Variants in AXDND1 observed in about 807,000 individuals in gnomAD.
AXDND1 encodes the protein axonemal dynein light chain domain-containing protein 1.
A neutral mutation model predicts 137.5 loss-of-function variants in AXDND1; 110 were observed. That is an observed-to-expected ratio of 0.80 (90% CI 0.69 to 0.94). The LOEUF (loss-of-function observed/expected upper bound fraction) is 0.94. AXDND1 is among the 40% of genes least tolerant of loss of function. The pLI is 0.00. For missense variants in AXDND1, 1,191 were observed against 1,169.8 expected, an observed-to-expected ratio of 1.02 and a Z score of -0.26; for synonymous variants, 414 against 399.7, an observed-to-expected ratio of 1.04 and a Z score of -0.43.
intron 20 of AXDND1, among the ~76,000 whole-genome samples, chr1:179,502,963 C>T (rs1050954361): frequency 4.6e-5 from 7 of 151,824 alleles, no homozygotes; most frequent in Non-Finnish European, 1.0e-4. Flanking sequence ...GGCGTGGTGG[C>T]GCATGCCTGT....
At chr1:179,501,251 T>C (rs184765777) in intron 20 of AXDND1, among the ~76,000 whole-genome samples, 1 of 152,202 alleles carries the variant, frequency 6.6e-6, no homozygotes, top group Admixed American at 6.5e-5. Flanking sequence ...AGAGGACTCA[T>C]CCTCCCATAT....
chr1:179,408,234 T>C (rs1653281173), intron 11 of AXDND1, among the ~76,000 whole-genome samples: 1 of 152,184 alleles, frequency 6.6e-6, no homozygotes, highest in African/African-American at 2.4e-5. Context: ...TTAATATCAT[T>C]ATTTTGAAAT....
At chr1:179,469,077 C>G (rs1663597850) in intron 17 of AXDND1, among the ~76,000 whole-genome samples, 1 of 151,994 alleles carries the variant, frequency 6.6e-6, no homozygotes, top group Non-Finnish European at 1.5e-5. Flanking sequence ...CTACAGGCGC[C>G]TGCCACCATG....
chr1:179,490,440 A>G (rs897389170), intron 18 of AXDND1, among the ~76,000 whole-genome samples: 5 of 152,158 alleles, frequency 3.3e-5, no homozygotes, highest in African/African-American at 1.2e-4. Flanking sequence ...AGGTTCTCAA[A>G]CTTTCTCTAT....
intron 16 of AXDND1, chr1:179,449,856 A>C (rs1414325131): frequency 6.6e-6 from 1 of 152,064 alleles, no homozygotes. Context: ...TTGATCTTAC[A>C]TACTGCCATG....
intron 16 of AXDND1, among the ~76,000 whole-genome samples, chr1:179,463,691 C>G (rs142988880): frequency 0.063 from 9,551 of 152,100 alleles, 355 homozygotes; most frequent in African/African-American, 0.07. Context: ...TTTCTGTCTC[C>G]TTGATCTGTC....
At chr1:179,367,798 A>G (rs1667608556) in intron 2 of AXDND1, among the ~76,000 whole-genome samples, 2 of 152,224 alleles carry the variant, frequency 1.3e-5, no homozygotes, top group African/African-American at 4.8e-5. Flanking sequence ...ATTTAGTACA[A>G]TGTGCCAATT....
chr1:179,391,106 T>G (rs986416091), intron 9 of AXDND1, among the ~76,000 whole-genome samples: 7 of 84,370 alleles, frequency 8.3e-5, no homozygotes, highest in African/African-American at 2.2e-4. Flanking sequence ...GAGGCCAGAC[T>G]TCTTCTTTTT....
chr1:179,421,367 C>CTTTTTTTTTTTTTTTTTTTT (rs199703017), intron 12 of AXDND1, among the ~76,000 whole-genome samples: 1 of 107,232 alleles, frequency 9.3e-6, no homozygotes, highest in Non-Finnish European at 1.8e-5. Context: ...TTTTCTTTTC[C>CTTTTTTTTTTTTTTTTTTTT]TTTTTTTTTT....
chr1:179,534,969 A>G lies in AXDND1; in HGVS notation c.3031+7A>G, dbSNP rs1489647771. ...TCAAAATCTCCAAAGAAAGGTAAGG[A>G]TTGCTTCGTATTTTGCTTTATTCAG... is the stretch of plus-strand genomic sequence containing the variant. On this transcript the variant is annotated splice_region_variant and intron_variant, in intron 25 of 25. Transcript: ENST00000367618. 6.2e-7 allele frequency: 1 copy of G among 1,606,324 alleles called. No homozygotes were observed. The highest frequency in any genetic ancestry group is 1.7e-5 in the Admixed American group (1 of 58,216).
At chr1:179,472,692 C>T (rs1049723001) in intron 17 of AXDND1, among the ~76,000 whole-genome samples, 6 of 152,014 alleles carry the variant, frequency 3.9e-5, no homozygotes, top group African/African-American at 2.4e-5. Flanking sequence ...TAGGTGCACA[C>T]GTTTATAATT....
chr1:179,436,652 G>T (rs556634405), intron 15 of AXDND1, among the ~76,000 whole-genome samples: 1 of 152,208 alleles, frequency 6.6e-6, no homozygotes, highest in Admixed American at 6.5e-5. Context: ...AGCACACATG[G>T]ACACAGGAAG....
chr1:179,465,570 T>C (rs4317772), intron 16 of AXDND1, among the ~76,000 whole-genome samples: 105,287 of 152,200 alleles, frequency 0.69, 37,270 homozygotes, highest in Non-Finnish European at 0.77. Flanking sequence ...TCGGGGGTCA[T>C]GGACCCACTT....
intron 25 of AXDND1, among the ~76,000 whole-genome samples, chr1:179,553,168 T>C (rs1673568684): frequency 6.6e-6 from 1 of 152,210 alleles, no homozygotes; most frequent in Non-Finnish European, 1.5e-5. Flanking sequence ...TGATTATAAC[T>C]ATAAAAATGC....
chr1:179,372,136 A>G (rs1404576134), intron 4 of AXDND1, among the ~76,000 whole-genome samples: 1 of 152,258 alleles, frequency 6.6e-6, no homozygotes, highest in Non-Finnish European at 1.5e-5. Context: ...AATAGTATGC[A>G]TAACGAGATA....
chr1:179,464,086 G>A (rs548281808), intron 16 of AXDND1, among the ~76,000 whole-genome samples: 88 of 152,244 alleles, frequency 5.8e-4, no homozygotes, highest in African/African-American at 2.1e-3. Flanking sequence ...GCCAGTCTGT[G>A]TCTTTTAATT....
chr1:179,376,436 A>G (rs984028729), intron 4 of AXDND1, among the ~76,000 whole-genome samples: 1 of 152,190 alleles, frequency 6.6e-6, no homozygotes, highest in African/African-American at 2.4e-5. Context: ...AAATTCATGT[A>G]TAAGCAGACC....
chr1:179,552,512 A>G (rs1673435795), intron 25 of AXDND1: 1 of 993,760 alleles, frequency 1.0e-6, no homozygotes, highest in Non-Finnish European at 1.6e-6. Context: ...CCCAGTGCCT[A>G]ATGAATGGAC....
At chr1:179,423,774 T>G (rs1426415945) in intron 12 of AXDND1, among the ~76,000 whole-genome samples, 1 of 152,244 alleles carries the variant, frequency 6.6e-6, no homozygotes, top group Non-Finnish European at 1.5e-5. Context: ...GTTATTTGCA[T>G]TTACATATTT....
Sources: allele counts gnomAD v4.1 joint callset (sites outside exome capture counted in the v4.1 genomes callset), GRCh38; gene constraint gnomAD v4.1.1; transcripts MANE v1.5; gene names NCBI Gene and HGNC (gene_info 2026-07-23, HGNC 2026-07-21).